The following PCDHGA3 variants were observed in gnomAD, a reference collection of about 807,000 sequenced individuals.
PCDHGA3 encodes the protein protocadherin gamma-A3.
PCDHGA3 carries 40 observed loss-of-function variants against 58.5 expected under a neutral mutation model. That is an observed-to-expected ratio of 0.68 (90% CI 0.53 to 0.89). The LOEUF (loss-of-function observed/expected upper bound fraction) is 0.89. Ranked by LOEUF, PCDHGA3 falls within the 40% of genes least tolerant of loss-of-function variation. The pLI is 0.00. For missense variants in PCDHGA3, 1,223 were observed against 1,195.9 expected, an observed-to-expected ratio of 1.02 and a Z score of -0.33; for synonymous variants, 530 against 525.7, an observed-to-expected ratio of 1.01 and a Z score of -0.11.
At chr5:141,384,386 T>C in intron 1 of PCDHGA3, 1 of 1,613,954 alleles carries the variant, frequency 6.2e-7, no homozygotes, top group Non-Finnish European at 8.5e-7. Flanking sequence ...GAAGACACCA[T>C]CCAGGGGGCT....
At chr5:141,404,897 C>A in intron 1 of PCDHGA3, 1 of 1,613,920 alleles carries the variant, frequency 6.2e-7, no homozygotes, top group African/African-American at 1.3e-5. Context: ...TGTACAGGAC[C>A]ATGGCCAGCC....
At chr5:141,494,190 G>GAGAA (rs2099752701) in intron 1 of PCDHGA3, among the ~76,000 whole-genome samples, 1 of 152,186 alleles carries the variant, frequency 6.6e-6, no homozygotes, top group Non-Finnish European at 1.5e-5. Flanking sequence ...CCCGGGACTT[G>GAGAA]GATGCCCCGC....
chr5:141,396,996 C>G (rs1435849865), intron 1 of PCDHGA3, among the ~76,000 whole-genome samples: 1 of 152,218 alleles, frequency 6.6e-6, no homozygotes, highest in Non-Finnish European at 1.5e-5. Context: ...TTTTATTAAT[C>G]TGACAAATGG....
intron 1 of PCDHGA3, chr5:141,428,257 G>A: frequency 1.2e-6 from 1 of 865,864 alleles, no homozygotes; most frequent in Non-Finnish European, 1.9e-6. Context: ...AGACTTCAGT[G>A]ACAGTCCTGT....
chr5:141,421,410 G>A lies in PCDHGA3; in HGVS notation c.2425-73397G>A, dbSNP rs538537555. On this transcript the variant is annotated intron_variant, in intron 1 of 3. Transcript: ENST00000253812. ...TGGGGCTGGAGCCCCGGGAGCTGGCGAAGCGCGGAGTCCGCATCGTCTCCA... is the reference window on the plus strand; with the variant it reads ...TGGGGCTGGAGCCCCGGGAGCTGGCAAAGCGCGGAGTCCGCATCGTCTCCA... The A allele has an allele frequency of 3.7e-6, 6 of 1,614,084 alleles. No homozygotes were observed. In the African/African-American group the frequency reaches 6.7e-5, roughly 18 times the overall value.
rs1769382213 is a variant in PCDHGA3 at position 141,373,189 on chromosome 5, T to C, written c.2424+26732T>C. On this transcript the variant is annotated intron_variant, in intron 1 of 3. Coordinates refer to ENST00000253812, the MANE Select transcript of PCDHGA3 (RefSeq NM_018916.4). The stretch of plus-strand genomic sequence containing the variant: ...GTCAATCCTAAAATATATGAAACAT[T>C]ATGTATATCTTAACACATTTTTAAT... 2.0e-5 allele frequency among the ~76,000 whole-genome samples: 3 copies of C among 152,380 alleles called. No individual in the cohort carries two copies. In the Middle Eastern group the frequency reaches 0.01, roughly 518 times the overall value.
At chr5:141,350,728 T>A (rs779732402) in intron 1 of PCDHGA3, 29 of 1,613,856 alleles carry the variant, frequency 1.8e-5, no homozygotes, top group Non-Finnish European at 2.4e-5. Flanking sequence ...CTGCTCAAGA[T>A]GCAGATGTGG....
chr5:141,436,817 TA>T (rs1431750380), intron 1 of PCDHGA3, among the ~76,000 whole-genome samples: 1 of 152,244 alleles, frequency 6.6e-6, no homozygotes, highest in Non-Finnish European at 1.5e-5. Context: ...ACAGCTGGTT[TA>T]AAAATCTTAA....
intron 1 of PCDHGA3, chr5:141,415,608 T>C (rs1391331847): frequency 6.2e-7 from 1 of 1,613,366 alleles, no homozygotes; most frequent in Non-Finnish European, 8.5e-7. Flanking sequence ...CCCCATTGGT[T>C]CCAGTGAGTT....
At chr5:141,399,732 G>C (rs1270192367) in intron 1 of PCDHGA3, 27 of 1,613,174 alleles carry the variant, frequency 1.7e-5, no homozygotes, top group Non-Finnish European at 2.0e-5. Context: ...ACCAGGGCTC[G>C]CCTGCGCTCA....
At chr5:141,376,678 T>C in intron 1 of PCDHGA3, 2 of 277,706 alleles carry the variant, frequency 7.2e-6, no homozygotes, top group East Asian at 7.3e-5. Flanking sequence ...AGGGTATCGT[T>C]TTTTTTTTTT....
chr5:141,420,205 C>T (rs776838072), intron 1 of PCDHGA3: 14 of 1,612,942 alleles, frequency 8.7e-6, no homozygotes, highest in African/African-American at 1.3e-5. Context: ...ATAACCTCAA[C>T]AAAGATAGCA....
chr5:141,485,944 G>C lies in PCDHGA3; in HGVS notation c.2425-8863G>C, dbSNP rs2099621875. 1 of 1,613,998 alleles carries C rather than the reference G, an allele frequency of 6.2e-7. No homozygotes were observed. Reference sequence around the variant, plus strand: ...TTAGTGTGTTGGAGAGCGCACCAGCGGGCATGGTGCTCATCCAGCTCAATG... The same window carrying C: ...TTAGTGTGTTGGAGAGCGCACCAGCCGGCATGGTGCTCATCCAGCTCAATG... On this transcript the variant is annotated intron_variant, in intron 1 of 3. Transcript: ENST00000253812. This position sits in a 1 kb window ranked among gnomAD's most constrained non-coding sequence, Gnocchi z 5.7.
intron 1 of PCDHGA3, 63 bp from the exon 2 acceptor site, chr5:141,494,744 G>T: frequency 6.2e-7 from 1 of 1,612,702 alleles, no homozygotes; most frequent in South Asian, 1.1e-5. Flanking sequence ...CATCCCTAGG[G>T]GCTCGGGTGA....
Position 141,376,152 on chromosome 5 carries a change from C to G in PCDHGA3, c.2424+29695C>G, listed in dbSNP as rs376990625. 10 of 1,614,026 alleles carry G rather than the reference C, an allele frequency of 6.2e-6. No individual in the cohort carries two copies. In the African/African-American group the frequency reaches 1.3e-4, roughly 22 times the overall value. On this transcript the variant is annotated intron_variant, in intron 1 of 3. Transcript: ENST00000253812. ...GCCAAACCCAACGATTCGGACCTCACTCTGTACCTGGTGGTGGCGGTGGCC... is the reference window on the plus strand; with the variant it reads ...GCCAAACCCAACGATTCGGACCTCAGTCTGTACCTGGTGGTGGCGGTGGCC...
intron 1 of PCDHGA3, chr5:141,405,052 C>A (rs182635391): frequency 2.0e-4 from 329 of 1,613,956 alleles, no homozygotes; most frequent in Non-Finnish European, 2.5e-4. Flanking sequence ...TGGCAGTCGT[C>A]TCCTGTGTCT....
intron 1 of PCDHGA3, among the ~76,000 whole-genome samples, chr5:141,387,513 TA>T (rs1226986342): frequency 5.3e-5 from 8 of 152,366 alleles, no homozygotes; most frequent in East Asian, 3.9e-4. Flanking sequence ...TAGACGTCAT[TA>T]AATATACAGA....
At chr5:141,361,813 C>T in intron 1 of PCDHGA3, 1 of 1,613,122 alleles carries the variant, frequency 6.2e-7, no homozygotes, top group Non-Finnish European at 8.5e-7. Context: ...TGACAATGCG[C>T]CACGGGTGCT....
intron 1 of PCDHGA3, chr5:141,426,513 C>G (rs780618436): frequency 2.3e-5 from 8 of 341,028 alleles, no homozygotes; most frequent in African/African-American, 4.3e-5. Flanking sequence ...AATACTTTAC[C>G]GTGAACACGG....
Sources: allele counts gnomAD v4.1 joint callset (sites outside exome capture counted in the v4.1 genomes callset), GRCh38; gene constraint gnomAD v4.1.1; non-coding constraint Gnocchi (gnomAD v3.1); transcripts MANE v1.5; gene names NCBI Gene and HGNC (gene_info 2026-07-23, HGNC 2026-07-21).